MBD2: variants seen among roughly 807,000 people sequenced by gnomAD.
MBD2 encodes the protein methyl-CpG binding domain protein 2.
MBD2 carries 9 observed loss-of-function variants against 39.3 expected under a neutral mutation model. The observed-to-expected ratio is 0.23, with a 90% confidence interval of 0.14 to 0.40. The LOEUF (loss-of-function observed/expected upper bound fraction) is 0.40, where lower values mean the gene tolerates loss of function less well. Among genes scored for constraint, MBD2 ranks in the 10% least tolerant of loss-of-function variants. The pLI is 1.00. For synonymous variants in MBD2, 233 were observed against 211.1 expected, an observed-to-expected ratio of 1.10 and a Z score of -0.90; for missense variants, 458 against 532.6, an observed-to-expected ratio of 0.86 and a Z score of 1.38.
chr18:54,207,511 T>G (rs571913764), intron 1 of MBD2, among the ~76,000 whole-genome samples: 123 of 152,296 alleles, frequency 8.1e-4, no homozygotes, highest in Non-Finnish European at 1.2e-3. Context: ...GGTAACTTTC[T>G]GAGAGCAAAA....
At chr18:54,223,505 G>C (rs1219276227) in intron 1 of MBD2, among the ~76,000 whole-genome samples, 1 of 152,140 alleles carries the variant, frequency 6.6e-6, no homozygotes, top group Non-Finnish European at 1.5e-5. Flanking sequence ...TTTCAAAAGA[G>C]TATATTCTGC....
chr18:54,215,032 G>A lies in MBD2; in HGVS notation c.542+8986C>T, dbSNP rs143055338. Among the ~76,000 whole-genome samples, 3 of 152,156 alleles carry A rather than the reference G, an allele frequency of 2.0e-5. No homozygotes were observed. The East Asian group carries it at 5.8e-4, about 29-fold the overall frequency. ...TGGGATTACAGGGGTGAGCCACCGC[G>A]CCCGGCCTCCACAAGGTAGAATTCT... On this transcript the variant is annotated intron_variant, in intron 1 of 6. Transcript: ENST00000256429.
chr18:54,183,642 A>G (rs1488354070), intron 3 of MBD2, among the ~76,000 whole-genome samples: 5 of 152,260 alleles, frequency 3.3e-5, no homozygotes, highest in Non-Finnish European at 5.9e-5. Context: ...AACAAAAGCT[A>G]TTATTTCAGA....
intron 3 of MBD2, chr18:54,187,866 G>C (rs1374247792): frequency 2.0e-6 from 2 of 985,578 alleles, no homozygotes; most frequent in Non-Finnish European, 2.4e-6. Flanking sequence ...TACAGAGGAT[G>C]TGGGAACTGA....
chr18:54,174,731 A>T (rs1599082293), intron 3 of MBD2, among the ~76,000 whole-genome samples: 1 of 152,236 alleles, frequency 6.6e-6, no homozygotes, highest in African/African-American at 2.4e-5. Flanking sequence ...TATCATTTCT[A>T]TTGGAAGATG....
chr18:54,224,129 G>A lies in MBD2; in HGVS notation c.431C>T (p.Thr144Met), dbSNP rs780260496. 5.1e-6 allele frequency: 8 copies of A among 1,553,796 alleles called. No homozygotes were observed. Among genetic ancestry groups the A allele is most frequent in the South Asian group, 1.1e-5 (1 of 87,088 alleles). ...AGPGPRGPRA[T>M]ESGKRMDCPA... ...GCAATCCATCCTCTTCCCGCTCTCC[G>A]TGGCCCGGGGTCCCCTGGGCCCCGG... The change falls in exon 1 of 7, where the codon ACG becomes ATG. Residue 144 changes from threonine (T) to methionine (M), a missense_variant. Transcript: ENST00000256429.
intron 1 of MBD2, among the ~76,000 whole-genome samples, chr18:54,222,612 T>C (rs921324671): frequency 6.6e-6 from 1 of 152,246 alleles, no homozygotes; most frequent in Non-Finnish European, 1.5e-5. Context: ...CACAGGTGAT[T>C]ACTACCTTCT....
At chr18:54,203,121 C>A in intron 2 of MBD2, 2 of 1,612,222 alleles carry the variant, frequency 1.2e-6, no homozygotes, top group South Asian at 2.2e-5. Context: ...GAAAAGTGCA[C>A]ACAAACTGAA....
At chr18:54,208,592 A>G (rs112313213) in intron 1 of MBD2, among the ~76,000 whole-genome samples, 4,896 of 152,324 alleles carry the variant, frequency 0.032, 260 homozygotes, top group African/African-American at 0.11. Flanking sequence ...TATTTCAACA[A>G]ATTCATTTTC....
At chr18:54,189,353 A>G (rs2086304464) in intron 2 of MBD2, among the ~76,000 whole-genome samples, 1 of 151,118 alleles carries the variant, frequency 6.6e-6, no homozygotes, top group South Asian at 2.1e-4. Flanking sequence ...CCTCCCGAGT[A>G]GCTGGGACTA....
At chr18:54,188,351 A>G (rs572987012) in intron 3 of MBD2, among the ~76,000 whole-genome samples, 1 of 152,358 alleles carries the variant, frequency 6.6e-6, no homozygotes, top group South Asian at 2.1e-4. Context: ...GAAGCAATAA[A>G]GAAAGAGAAA....
At chr18:54,194,557 G>GTGTATATATATATATA (rs565457822) in intron 2 of MBD2, among the ~76,000 whole-genome samples, 11 of 148,710 alleles carry the variant, frequency 7.4e-5, no homozygotes, top group African/African-American at 2.5e-4. Flanking sequence ...GTGTGTGTGT[G>GTGTATATATATATATA]TATATATATA....
At chr18:54,164,165 C>A (rs1211515782) in intron 5 of MBD2, among the ~76,000 whole-genome samples, 1 of 152,162 alleles carries the variant, frequency 6.6e-6, no homozygotes, top group Non-Finnish European at 1.5e-5. Context: ...GGATTATAGG[C>A]ATGAGCCACT....
chr18:54,197,612 A>C (rs901589888), intron 2 of MBD2, among the ~76,000 whole-genome samples: 6 of 152,358 alleles, frequency 3.9e-5, no homozygotes, highest in African/African-American at 1.4e-4. Flanking sequence ...CTAAAAACCA[A>C]GAACTCACCC....
chr18:54,214,731 CTTTTAGAATTCT>C (rs767219569), intron 1 of MBD2, among the ~76,000 whole-genome samples: 4,187 of 63,102 alleles, frequency 0.066, 186 homozygotes, highest in African/African-American at 0.18. Context: ...AGGTAGAATT[CTTTTAGAATTCT>C]TTTTTTTTTT....
rs548126316 is a variant in MBD2 at position 54,153,804 on chromosome 18, G to C, written c.*1520C>G. ...TCCCTGCTCATCCACCAGCAGGACT[G>C]CTTCAAGGAAACTAATGGCCCTAGG... On this transcript the variant is annotated 3_prime_UTR_variant, in exon 7 of 7. Transcript: ENST00000256429. 2 of 152,344 alleles carry C rather than the reference G, an allele frequency of 1.3e-5. No homozygotes were observed. The highest frequency in any genetic ancestry group is 3.9e-4 in the East Asian group (2 of 5,190). 9.4% of individuals were successfully genotyped at this position (152,344 alleles called of 1,614,324 possible). A position where few individuals can be genotyped will look rare whatever the true frequency, so the allele number is the denominator to read the frequency against.
chr18:54,211,388 T>TACGCACACAC (rs2086505040), intron 1 of MBD2, among the ~76,000 whole-genome samples: 1 of 148,114 alleles, frequency 6.8e-6, no homozygotes, highest in Non-Finnish European at 1.5e-5. Context: ...ATTATTGCTA[T>TACGCACACAC]ACACACACAC....
chr18:54,168,648 TG>T (rs2086155989), intron 3 of MBD2, among the ~76,000 whole-genome samples: 1 of 143,514 alleles, frequency 7.0e-6, no homozygotes, highest in Non-Finnish European at 1.5e-5. Flanking sequence ...TGTGTGTGTG[TG>T]TGTGTGTGTG....
intron 2 of MBD2, among the ~76,000 whole-genome samples, chr18:54,189,389 A>C (rs1445226532): frequency 6.7e-6 from 1 of 149,904 alleles, no homozygotes; most frequent in Non-Finnish European, 1.5e-5. Context: ...AAGCCAGCTA[A>C]TTTTGTGTAT....
Sources: allele counts gnomAD v4.1 joint callset (sites outside exome capture counted in the v4.1 genomes callset), GRCh38; gene constraint gnomAD v4.1.1; transcripts MANE v1.5; gene names NCBI Gene and HGNC (gene_info 2026-07-23, HGNC 2026-07-21).